The following TGFB2 variants were observed in gnomAD, a reference collection of about 807,000 sequenced individuals.
TGFB2 encodes transforming growth factor beta-2 proprotein.
TGFB2 carries 13 observed loss-of-function variants against 42.7 expected under a neutral mutation model. The ratio of observed to expected loss-of-function variants is 0.30; its 90% CI spans 0.20 to 0.48. TGFB2 has a LOEUF of 0.48. Ranked by LOEUF, TGFB2 falls within the 20% of genes least tolerant of loss-of-function variation. The probability of loss-of-function intolerance (pLI) is 0.99; values close to 1 mark genes in which losing one functional copy is unlikely to be tolerated. For synonymous variants in TGFB2, 193 were observed against 193.6 expected (o/e 1.00, Z 0.03); for missense variants, 390 against 517.5 (o/e 0.75, Z 2.39).
chr1:218,391,669 T>C (rs574919393), intron 1 of TGFB2, among the ~76,000 whole-genome samples: 2 of 152,300 alleles, frequency 1.3e-5, no homozygotes, highest in South Asian at 4.1e-4. Flanking sequence ...TAGGAGTATA[T>C]TGTAAATATT....
chr1:218,441,676 GAACAACGAC>G lies in TGFB2; in HGVS notation c.*321_*329del, dbSNP rs1021487440. The G allele has an allele frequency of 4.5e-5, 9 of 200,964 alleles. No individual in the cohort carries two copies. Among genetic ancestry groups the G allele is most frequent in the Admixed American group, 1.1e-4 (2 of 17,722 alleles). The allele number at this position is 200,964 out of a possible 1,614,324, so 12.4% of individuals were successfully genotyped here. A position where few individuals can be genotyped will look rare whatever the true frequency, so the allele number is the denominator to read the frequency against. On this transcript the variant is annotated 3_prime_UTR_variant, in exon 7 of 7. Coordinates refer to ENST00000366930, the MANE Select transcript of TGFB2 (RefSeq NM_003238.6). ...AAGAATTTATTAGTGTTAATTATGTGAACAACGACAACAACAACAACAACAACAAACAGG... is the reference window on the plus strand; with the variant it reads ...AAGAATTTATTAGTGTTAATTATGTGAACAACAACAACAACAACAAACAGG...
chr1:218,420,725 T>C (rs1330566330), intron 2 of TGFB2, among the ~76,000 whole-genome samples: 1 of 152,182 alleles, frequency 6.6e-6, no homozygotes, highest in African/African-American at 2.4e-5. Context: ...CCATACTGTA[T>C]CATAATTTCA....
At chr1:218,417,331 C>G (rs935206241) in intron 2 of TGFB2, among the ~76,000 whole-genome samples, 1 of 152,166 alleles carries the variant, frequency 6.6e-6, no homozygotes, top group Non-Finnish European at 1.5e-5. Flanking sequence ...TTAGCAGAGA[C>G]AGATGGCATT....
chr1:218,403,358 A>T (rs1479073084), intron 1 of TGFB2, among the ~76,000 whole-genome samples: 1 of 152,164 alleles, frequency 6.6e-6, no homozygotes, highest in Non-Finnish European at 1.5e-5. Flanking sequence ...TCACACATAT[A>T]TAGGGGAAGG....
At position 218,346,592 on chromosome 1, in the gene TGFB2, A is replaced by G; in HGVS notation, c.-110A>G. On this transcript the variant is annotated 5_prime_UTR_variant, in exon 1 of 7. Transcript: ENST00000366930. This position sits in a 1 kb window ranked among gnomAD's most constrained non-coding sequence, Gnocchi z 4.9. ...TTGCAAAAGTTTCGCATCAAAAACA[A>G]CAACAACAAAAAACCAAACAACTCT... The G allele has an allele frequency of 1.0e-6, 1 of 958,076 alleles. No homozygotes were observed. Among genetic ancestry groups the G allele is most frequent in the Non-Finnish European group, 1.5e-6 (1 of 668,878 alleles). 59.3% of individuals were successfully genotyped at this position (958,076 alleles called of 1,614,324 possible).
chr1:218,431,180 G>C (rs1659795128), intron 2 of TGFB2, among the ~76,000 whole-genome samples: 1 of 152,218 alleles, frequency 6.6e-6, no homozygotes, highest in South Asian at 2.1e-4. Flanking sequence ...TCTGGAGCTA[G>C]TGAAAAAGAT....
chr1:218,441,683 GACA>G lies in TGFB2; in HGVS notation c.*341_*343del, dbSNP rs11118106. 127 of 193,442 alleles carry G rather than the reference GACA, an allele frequency of 6.6e-4. No individual in the cohort carries two copies. The highest frequency in any genetic ancestry group is 9.7e-4 in the South Asian group (8 of 8,256). 12.0% of individuals were successfully genotyped at this position (193,442 alleles called of 1,614,324 possible). A position where few individuals can be genotyped will look rare whatever the true frequency, so the allele number is the denominator to read the frequency against. On this transcript the variant is annotated 3_prime_UTR_variant, in exon 7 of 7. Coordinates refer to ENST00000366930, the MANE Select transcript of TGFB2 (RefSeq NM_003238.6). ...TATTAGTGTTAATTATGTGAACAAC[GACA>G]ACAACAACAACAACAACAAACAGGA... is the stretch of plus-strand genomic sequence containing the variant.
At chr1:218,428,626 G>C (rs1659704036) in intron 2 of TGFB2, among the ~76,000 whole-genome samples, 2 of 152,150 alleles carry the variant, frequency 1.3e-5, no homozygotes, top group Non-Finnish European at 2.9e-5. Flanking sequence ...TGTCAGGTTT[G>C]TCAAAGATCA....
At chr1:218,422,458 C>G (rs116919257) in intron 2 of TGFB2, among the ~76,000 whole-genome samples, 1 of 152,078 alleles carries the variant, frequency 6.6e-6, no homozygotes, top group East Asian at 1.9e-4. Context: ...TGGGCTCAAA[C>G]GATCCTTCCA....
At chr1:218,353,392 G>T (rs759605485) in intron 1 of TGFB2, among the ~76,000 whole-genome samples, 4 of 152,178 alleles carry the variant, frequency 2.6e-5, no homozygotes, top group Non-Finnish European at 4.4e-5. Context: ...CTATGAGAAG[G>T]CCTGAGAGTT....
intron 2 of TGFB2, among the ~76,000 whole-genome samples, chr1:218,410,806 T>G (rs1659069754): frequency 6.6e-6 from 1 of 152,214 alleles, no homozygotes; most frequent in Non-Finnish European, 1.5e-5. Context: ...GAACACACCT[T>G]TCTTTGATTA....
At chr1:218,384,998 G>A (rs777655651) in intron 1 of TGFB2, among the ~76,000 whole-genome samples, 8 of 152,286 alleles carry the variant, frequency 5.3e-5, no homozygotes, top group African/African-American at 1.2e-4. Flanking sequence ...CAGATGGCTC[G>A]TATTATTATA....
intron 1 of TGFB2, among the ~76,000 whole-genome samples, chr1:218,399,470 T>C (rs1247743893): frequency 2.0e-5 from 3 of 152,208 alleles, no homozygotes; most frequent in Non-Finnish European, 2.9e-5. Context: ...GTTAATAGTA[T>C]TGTACCAATG....
At chr1:218,349,699 A>C (rs1223931861) in intron 1 of TGFB2, among the ~76,000 whole-genome samples, 3 of 152,262 alleles carry the variant, frequency 2.0e-5, no homozygotes, top group Non-Finnish European at 4.4e-5. Flanking sequence ...TATAAAGTTC[A>C]GACTACATAT....
chr1:218,422,948 C>A (rs1249290415), intron 2 of TGFB2, among the ~76,000 whole-genome samples: 2 of 152,048 alleles, frequency 1.3e-5, no homozygotes, highest in African/African-American at 4.8e-5. Flanking sequence ...ACTGAACAAA[C>A]AAATTAACTG....
chr1:218,346,810 A>C lies in TGFB2; in HGVS notation c.109A>C (p.Ile37Leu). The C allele has an allele frequency of 6.2e-7, 1 of 1,614,106 alleles. No homozygotes were observed. Among genetic ancestry groups the C allele is most frequent in the Non-Finnish European group, 8.5e-7 (1 of 1,180,012 alleles). Residue 37 changes from isoleucine (I) to leucine (L), a missense_variant, in exon 1 of 7, where the codon ATC (isoleucine) becomes CTC (leucine). By Grantham distance (5) the Ile-to-Leu change is conservative. Transcript: ENST00000366930. This position sits in a 1 kb window ranked among gnomAD's most constrained non-coding sequence, Gnocchi z 4.9. Reference protein sequence around the residue: ...LDMDQFMRKRIEAIRGQILSK... With the variant: ...LDMDQFMRKRLEAIRGQILSK... The stretch of plus-strand genomic sequence containing the variant: ...TATGGACCAGTTCATGCGCAAGAGG[A>C]TCGAGGCGATCCGCGGGCAGATCCT...
intron 1 of TGFB2, among the ~76,000 whole-genome samples, chr1:218,396,574 AATTATTTTTATAT>A (rs1279348225): frequency 2.6e-5 from 4 of 151,904 alleles, no homozygotes; most frequent in Admixed American, 2.6e-4. Context: ...ATTTTTAGAA[AATTATTTTTATAT>A]TGAGTCAAAC....
At position 218,434,313 on chromosome 1, in the gene TGFB2, A is replaced by C. The variant is rs776707790; in HGVS notation, c.644-25A>C. 3 of 1,612,058 alleles carry C rather than the reference A, an allele frequency of 1.9e-6. No homozygotes were observed. In the East Asian group the frequency reaches 6.7e-5, roughly 36 times the overall value. On this transcript the variant is annotated intron_variant, in intron 3 of 6. Transcript: ENST00000366930. ...AAGGGTATAGACACACATACAAATG[A>C]CCTCCTTGACTTAATGTTTTCCAGA...
chr1:218,437,006 G>T (rs1659991328), intron 5 of TGFB2, among the ~76,000 whole-genome samples: 2 of 152,184 alleles, frequency 1.3e-5, no homozygotes, highest in Admixed American at 6.5e-5. Flanking sequence ...GCCCAGTGTT[G>T]ATTGGAAAGG....
Sources: gnomAD v4.1 joint callset for allele counts (sites outside exome capture counted in the v4.1 genomes callset) on GRCh38, gnomAD v4.1.1 for gene constraint, Gnocchi (gnomAD v3.1) non-coding constraint, MANE v1.5 for transcripts, NCBI Gene and HGNC (gene_info 2026-07-23, HGNC 2026-07-21) for gene names.